Variants in MSRB3 observed in about 807,000 individuals in gnomAD.
The protein encoded by MSRB3 is methionine-R-sulfoxide reductase B3.
In MSRB3, 13 loss-of-function variants were observed where a neutral mutation model predicts 21.0. That is an observed-to-expected ratio of 0.62 (90% CI 0.40 to 0.98). MSRB3 has a LOEUF of 0.98. Ranked by LOEUF, MSRB3 falls within the 50% of genes least tolerant of loss-of-function variation. MSRB3 has a pLI of 0.00. For synonymous variants in MSRB3, 87 were observed against 88.6 expected (o/e 0.98, Z 0.10); for missense variants, 199 against 230.3 (o/e 0.86, Z 0.88).
chr12:65,292,435 T>C (rs1366175855), intron 1 of MSRB3, among the ~76,000 whole-genome samples: 1 of 151,572 alleles, frequency 6.6e-6, no homozygotes, highest in Non-Finnish European at 1.5e-5. Context: ...GCGTTGTCAT[T>C]GTCATCGTCA....
chr12:65,399,736 G>T (rs544201847), intron 5 of MSRB3, among the ~76,000 whole-genome samples: 3 of 152,234 alleles, frequency 2.0e-5, no homozygotes, highest in Non-Finnish European at 4.4e-5. Flanking sequence ...TTGACTGTGG[G>T]TTTGTCATAA....
At chr12:65,353,491 G>T (rs1877171210) in intron 4 of MSRB3, among the ~76,000 whole-genome samples, 1 of 151,982 alleles carries the variant, frequency 6.6e-6, no homozygotes, top group Non-Finnish European at 1.5e-5. Context: ...GGCCTTCTTT[G>T]TCCCTTTTGA....
At chr12:65,341,416 T>C (rs1227368574) in intron 4 of MSRB3, among the ~76,000 whole-genome samples, 4 of 151,220 alleles carry the variant, frequency 2.6e-5, no homozygotes, top group South Asian at 4.2e-4. Flanking sequence ...GCTGGAACAG[T>C]TGGGGGGAAG....
chr12:65,278,799 C>T lies in MSRB3; in HGVS notation c.-118C>T, dbSNP rs200778091. 2.7e-4 allele frequency: 424 copies of T among 1,571,756 alleles called. 3 individuals carry two copies. In the East Asian group the frequency reaches 8.8e-3, roughly 32 times the overall value. On this transcript the variant is annotated 5_prime_UTR_variant, in exon 1 of 7. Coordinates refer to ENST00000308259, the MANE Select transcript of MSRB3 (RefSeq NM_001031679.3). ...CCCGCGGCGGACCCTCCCGCGCCCCCTCTCGCTCTGCCTCTCCCTCTGCCT... is the reference window on the plus strand; with the variant it reads ...CCCGCGGCGGACCCTCCCGCGCCCCTTCTCGCTCTGCCTCTCCCTCTGCCT...
intron 4 of MSRB3, among the ~76,000 whole-genome samples, chr12:65,348,560 G>T (rs1197315603): frequency 4.6e-5 from 7 of 151,966 alleles, no homozygotes; most frequent in East Asian, 1.9e-4. Flanking sequence ...CTGATTTTTT[G>T]AAGGGTTTTT....
chr12:65,315,935 T>G (rs950676749), intron 2 of MSRB3: 2 of 152,202 alleles, frequency 1.3e-5, no homozygotes, highest in Non-Finnish European at 2.9e-5. Context: ...TGTAGGATTT[T>G]GTTTTGTTGC....
At chr12:65,314,329 A>G (rs567199944) in intron 2 of MSRB3, among the ~76,000 whole-genome samples, 94 of 152,264 alleles carry the variant, frequency 6.2e-4, no homozygotes, top group African/African-American at 2.2e-3. Flanking sequence ...AATCTTGAAA[A>G]TGTTATTAGT....
At chr12:65,403,629 C>T (rs1283984584) in intron 5 of MSRB3, among the ~76,000 whole-genome samples, 1 of 152,120 alleles carries the variant, frequency 6.6e-6, no homozygotes, top group Admixed American at 6.5e-5. Context: ...CTGTCTCATT[C>T]TTGTTCTGGG....
intron 5 of MSRB3, among the ~76,000 whole-genome samples, chr12:65,407,104 A>G (rs1024922563): frequency 6.6e-6 from 1 of 152,236 alleles, no homozygotes; most frequent in Non-Finnish European, 1.5e-5. Flanking sequence ...TAGCATAAAA[A>G]CAGACACATA....
At chr12:65,291,400 CT>C (rs1872658275) in intron 1 of MSRB3, among the ~76,000 whole-genome samples, 2 of 151,444 alleles carry the variant, frequency 1.3e-5, no homozygotes, top group Non-Finnish European at 1.5e-5. Flanking sequence ...GCTTCTGTGG[CT>C]TTTTTGATGT....
chr12:65,461,554 A>C (rs879548609), intron 6 of MSRB3, among the ~76,000 whole-genome samples: 22 of 152,328 alleles, frequency 1.4e-4, no homozygotes, highest in Admixed American at 5.2e-4. Context: ...ATACAGTCAA[A>C]GTTGCTATTT....
intron 5 of MSRB3, among the ~76,000 whole-genome samples, chr12:65,399,342 C>T (rs550277792): frequency 8.5e-5 from 13 of 152,200 alleles, no homozygotes; most frequent in Admixed American, 5.2e-4. Flanking sequence ...AGTTGTTTTC[C>T]TAGGTATTTT....
chr12:65,420,055 C>T, intron 5 of MSRB3: 2 of 523,844 alleles, frequency 3.8e-6, no homozygotes, highest in Non-Finnish European at 7.7e-6. Flanking sequence ...GAAGAGAGGA[C>T]TCAGGCTTTG....
chr12:65,283,368 A>G (rs11175713), intron 1 of MSRB3, among the ~76,000 whole-genome samples: 17,382 of 152,142 alleles, frequency 0.11, 1,210 homozygotes, highest in East Asian at 0.28. Flanking sequence ...CTTGTGTTGT[A>G]GTTAAGTCCA....
At chr12:65,442,476 GA>G (rs969379316) in intron 5 of MSRB3, among the ~76,000 whole-genome samples, 4 of 152,018 alleles carry the variant, frequency 2.6e-5, no homozygotes, top group Non-Finnish European at 4.4e-5. Flanking sequence ...GCTGGGAGTA[GA>G]ATCTGTATTT....
chr12:65,329,427 A>G (rs1055109237), intron 4 of MSRB3, among the ~76,000 whole-genome samples: 2 of 152,174 alleles, frequency 1.3e-5, no homozygotes, highest in Non-Finnish European at 2.9e-5. Flanking sequence ...AGACGGGTGC[A>G]TCACTTGAGG....
chr12:65,314,879 A>G (rs1364617502), intron 2 of MSRB3, among the ~76,000 whole-genome samples: 2 of 152,192 alleles, frequency 1.3e-5, no homozygotes, highest in Admixed American at 6.5e-5. Flanking sequence ...GACAATATGC[A>G]CTTTGGAGGA....
intron 5 of MSRB3, among the ~76,000 whole-genome samples, chr12:65,374,801 C>T (rs1001414833): frequency 6.6e-6 from 1 of 152,160 alleles, no homozygotes; most frequent in Non-Finnish European, 1.5e-5. Context: ...TTTACAGGAT[C>T]CTATTCAAGA....
At chr12:65,321,435 C>A (rs1231545399) in intron 2 of MSRB3, among the ~76,000 whole-genome samples, 2 of 152,072 alleles carry the variant, frequency 1.3e-5, no homozygotes. Context: ...TCAAAGTAAA[C>A]CCTGCAGCTC....
Sources: allele counts gnomAD v4.1 joint callset (sites outside exome capture counted in the v4.1 genomes callset), GRCh38; gene constraint gnomAD v4.1.1; transcripts MANE v1.5; gene names NCBI Gene and HGNC (gene_info 2026-07-23, HGNC 2026-07-21).